FMR1NB: variants seen among roughly 807,000 people sequenced by gnomAD.
The protein encoded by FMR1NB is FMR1 neighbor, also known as FMR1 neighbor protein.
A neutral mutation model predicts 16.8 loss-of-function variants in FMR1NB; 10 were observed. That is an observed-to-expected ratio of 0.60 (90% CI 0.37 to 1.01). FMR1NB has a LOEUF of 1.01. Among genes scored for constraint, FMR1NB ranks in the 50% least tolerant of loss-of-function variants. The probability of loss-of-function intolerance (pLI) is 0.01; values close to 1 mark genes in which losing one functional copy is unlikely to be tolerated. For synonymous variants in FMR1NB, 83 were observed against 79.1 expected (o/e 1.05, Z -0.26); for missense variants, 205 against 204.8 (o/e 1.00, Z 0.00).
At chrX:148,010,330 C>A (rs1307427182) in intron 4 of FMR1NB, among the ~76,000 whole-genome samples, 1 of 112,338 alleles carries the variant, frequency 8.9e-6, no homozygotes, top group Non-Finnish European at 1.9e-5. Context: ...GAGCAGGTAG[C>A]AGATTCATCT....
chrX:147,982,613 G>T (rs1302056161), intron 1 of FMR1NB, among the ~76,000 whole-genome samples: 1 of 92,017 alleles, frequency 1.1e-5, no homozygotes, highest in African/African-American at 4.1e-5. Flanking sequence ...AAAAAAAAAG[G>T]CCGGGCGCGG....
At chrX:148,013,641 G>A (rs1267635347) in intron 4 of FMR1NB, among the ~76,000 whole-genome samples, 1 of 111,681 alleles carries the variant, frequency 9.0e-6, no homozygotes, top group Non-Finnish European at 1.9e-5. Context: ...TAATTTCTAT[G>A]GTATTTTCTG....
intron 1 of FMR1NB, among the ~76,000 whole-genome samples, chrX:147,993,961 C>G (rs2044528517): frequency 9.0e-6 from 1 of 111,723 alleles, no homozygotes; most frequent in African/African-American, 3.3e-5. Context: ...CTACAACCTT[C>G]TTTCCTTCCA....
At chrX:148,021,607 C>G (rs1429022630) in intron 4 of FMR1NB, among the ~76,000 whole-genome samples, 1 of 110,613 alleles carries the variant, frequency 9.0e-6, no homozygotes, top group Non-Finnish European at 1.9e-5. Context: ...TCTTTGAGCC[C>G]CTAGCCTCAG....
At chrX:148,024,179 T>C (rs1323528422) in intron 4 of FMR1NB, among the ~76,000 whole-genome samples, 1 of 112,155 alleles carries the variant, frequency 8.9e-6, no homozygotes, top group African/African-American at 3.2e-5. Flanking sequence ...TACGTTTAAA[T>C]TCTAGCATCT....
intron 4 of FMR1NB, among the ~76,000 whole-genome samples, chrX:148,011,660 TG>T (rs782130907): frequency 3.6e-5 from 4 of 111,463 alleles, no homozygotes; most frequent in African/African-American, 6.5e-5. Flanking sequence ...ATGGTAGAGG[TG>T]CCGTTTCAGG....
At chrX:147,987,890 A>G (rs2044485113) in intron 1 of FMR1NB, among the ~76,000 whole-genome samples, 1 of 104,311 alleles carries the variant, frequency 9.6e-6, no homozygotes, top group African/African-American at 3.5e-5. Context: ...CCATCCCTTT[A>G]TTTTGAGACT....
intron 4 of FMR1NB, among the ~76,000 whole-genome samples, chrX:148,016,093 A>C (rs2124626256): frequency 8.9e-6 from 1 of 111,827 alleles, no homozygotes; most frequent in South Asian, 3.7e-4. Context: ...TTGTTTTGAA[A>C]TAGATTTTTT....
intron 1 of FMR1NB, among the ~76,000 whole-genome samples, chrX:147,992,950 G>A (rs1304803711): frequency 9.6e-6 from 1 of 104,254 alleles, no homozygotes; most frequent in Non-Finnish European, 2.0e-5. Context: ...GCCAGGCAGA[G>A]GGGCTCCTCA....
chrX:147,991,433 T>C (rs1449115575), intron 1 of FMR1NB, among the ~76,000 whole-genome samples: 2 of 109,577 alleles, frequency 1.8e-5, no homozygotes, highest in South Asian at 3.9e-4. Flanking sequence ...CTTTCCATGC[T>C]CTCCCCTAAC....
intron 5 of FMR1NB, 38 bp downstream of exon 5, chrX:148,025,051 C>G: frequency 8.6e-7 from 1 of 1,162,217 alleles, no homozygotes; most frequent in Non-Finnish European, 1.2e-6. Flanking sequence ...AGTGCTCAAT[C>G]TCTGATTCTT....
chrX:148,022,373 A>G (rs1557190660), intron 4 of FMR1NB, among the ~76,000 whole-genome samples: 1 of 111,790 alleles, frequency 8.9e-6, no homozygotes, highest in Non-Finnish European at 1.9e-5. Context: ...AACTCATCTC[A>G]ACATAATATT....
intron 4 of FMR1NB, among the ~76,000 whole-genome samples, chrX:148,023,272 A>G (rs2044688225): frequency 9.0e-6 from 1 of 111,565 alleles, no homozygotes; most frequent in Non-Finnish European, 1.9e-5. Flanking sequence ...GGCAACATAA[A>G]TAGGCCATAG....
In FMR1NB at chrX:147,986,113, G is replaced by T. The variant is rs782564704; in HGVS notation, c.277+4434G>T. Among the ~76,000 whole-genome samples, 157 of 111,930 alleles carry T rather than the reference G, an allele frequency of 1.4e-3. 1 individual carries two copies. Among genetic ancestry groups the T allele is most frequent in the African/African-American group, 4.8e-3 (149 of 30,844 alleles). ...CATATGTTTGGGGGCCTCATAAATG[G>T]CTTCTTTACAGAAGTGTCTGTTCCT... On this transcript the variant is annotated intron_variant, in intron 1 of 5. Transcript: ENST00000370467.
chrX:148,011,300 A>G (rs1462988367), intron 4 of FMR1NB, among the ~76,000 whole-genome samples: 1 of 110,894 alleles, frequency 9.0e-6, no homozygotes, highest in Admixed American at 9.6e-5. Flanking sequence ...AAAAATGTGA[A>G]GCAATTTGAG....
intron 1 of FMR1NB, among the ~76,000 whole-genome samples, chrX:147,995,255 A>G (rs1165320265): frequency 8.9e-6 from 1 of 112,169 alleles, no homozygotes; most frequent in Non-Finnish European, 1.9e-5. Context: ...AGCCCTAGGA[A>G]ACTAATATAC....
chrX:148,013,124 C>T lies in FMR1NB; in HGVS notation c.632+4413C>T, dbSNP rs1227720755. 2.7e-5 allele frequency among the ~76,000 whole-genome samples: 3 copies of T among 111,575 alleles called. No individual in the cohort carries two copies. In the East Asian group the frequency reaches 8.5e-4, roughly 31 times the overall value. ...TCGTATAAAGCTGGTACTTCTTGGA[C>T]GCTGTTCATGGTAATTTAATTACTG... On this transcript the variant is annotated intron_variant, in intron 4 of 5. Coordinates refer to ENST00000370467, the MANE Select transcript of FMR1NB (RefSeq NM_152578.3).
intron 1 of FMR1NB, among the ~76,000 whole-genome samples, chrX:147,984,187 T>G (rs1246632029): frequency 8.9e-5 from 10 of 111,755 alleles, no homozygotes; most frequent in Admixed American, 3.8e-4. Flanking sequence ...CCATACTGTT[T>G]TGCGTATTCA....
At position 147,996,199 on chromosome X, in the gene FMR1NB, A is replaced by C. The variant is rs905387549; in HGVS notation, c.278-7002A>C. Among the ~76,000 whole-genome samples, 10 of 112,352 alleles carry C rather than the reference A, an allele frequency of 8.9e-5. No individual in the cohort carries two copies. The Admixed American group carries it at 9.5e-4, about 11-fold the overall frequency. On this transcript the variant is annotated intron_variant, in intron 1 of 5. Coordinates refer to ENST00000370467, the MANE Select transcript of FMR1NB (RefSeq NM_152578.3). Reference sequence around the variant, plus strand: ...AAAATAAATATCCTGAAAACAAGTAATGATATTAAATTTAAAATTGTAAGC... The same window carrying C: ...AAAATAAATATCCTGAAAACAAGTACTGATATTAAATTTAAAATTGTAAGC...
Sources: allele counts gnomAD v4.1 joint callset (sites outside exome capture counted in the v4.1 genomes callset), GRCh38; gene constraint gnomAD v4.1.1; transcripts MANE v1.5; gene names NCBI Gene and HGNC (gene_info 2026-07-23, HGNC 2026-07-21).